The following ADGRL3 variants were observed in gnomAD, a reference collection of about 807,000 sequenced individuals.
ADGRL3 encodes adhesion G protein-coupled receptor L3, also known as calcium-independent alpha-latrotoxin receptor 3.
Under a neutral mutation model 153.5 loss-of-function variants are expected in ADGRL3, and 62 were observed. The observed-to-expected ratio is 0.40, with a 90% CI of 0.33 to 0.50. The LOEUF is 0.50. Ranked by LOEUF, ADGRL3 falls within the 20% of genes least tolerant of loss-of-function variation. The pLI, the probability that ADGRL3 is intolerant of heterozygous loss-of-function variation, is 0.47. For missense variants in ADGRL3, 1,641 were observed against 1,859.4 expected, an observed-to-expected ratio of 0.88 and a Z score of 2.16; for synonymous variants, 710 against 672.5, an observed-to-expected ratio of 1.06 and a Z score of -0.86.
At chr4:61,716,631 T>C (rs2096122270) in intron 6 of ADGRL3, among the ~76,000 whole-genome samples, 1 of 152,130 alleles carries the variant, frequency 6.6e-6, no homozygotes, top group South Asian at 2.1e-4. Context: ...ACCAATAATA[T>C]GTATTGTGCA....
chr4:62,051,193 T>TATATATAC (rs1553918713), intron 25 of ADGRL3, among the ~76,000 whole-genome samples: 2 of 145,650 alleles, frequency 1.4e-5, no homozygotes, highest in African/African-American at 5.1e-5. Flanking sequence ...TATATATACA[T>TATATATAC]ACATACACAA....
At chr4:61,618,384 C>A (rs1043042669) in intron 5 of ADGRL3, among the ~76,000 whole-genome samples, 4 of 152,172 alleles carry the variant, frequency 2.6e-5, no homozygotes, top group Non-Finnish European at 4.4e-5. Flanking sequence ...TATCAGCTAG[C>A]TGTTTCTATG....
intron 1 of ADGRL3, among the ~76,000 whole-genome samples, chr4:61,267,951 T>C (rs1405765940): frequency 6.6e-6 from 1 of 151,546 alleles, no homozygotes; most frequent in Non-Finnish European, 1.5e-5. Flanking sequence ...ATCAAGTAAG[T>C]TTTATGGAAG....
chr4:61,319,796 G>T (rs1253587779), intron 1 of ADGRL3, among the ~76,000 whole-genome samples: 2 of 152,028 alleles, frequency 1.3e-5, no homozygotes, highest in African/African-American at 4.8e-5. Flanking sequence ...AACTGAGTAA[G>T]GTAAGGTGCT....
chr4:61,866,238 C>T (rs1303709817), intron 9 of ADGRL3, among the ~76,000 whole-genome samples: 3 of 152,134 alleles, frequency 2.0e-5, no homozygotes, highest in Non-Finnish European at 2.9e-5. Flanking sequence ...CTACGGCAAA[C>T]GTACTAAGCT....
intron 5 of ADGRL3, among the ~76,000 whole-genome samples, chr4:61,652,997 A>C (rs1047873226): frequency 6.6e-6 from 1 of 152,056 alleles, no homozygotes; most frequent in Non-Finnish European, 1.5e-5. Flanking sequence ...ATGTTGAAAC[A>C]CTAAACCCCA....
At chr4:61,882,998 C>T (rs1165551333) in intron 9 of ADGRL3, among the ~76,000 whole-genome samples, 2 of 152,106 alleles carry the variant, frequency 1.3e-5, no homozygotes, top group East Asian at 1.9e-4. Context: ...TACCTGTAAC[C>T]GCAGCTACTG....
At chr4:61,359,149 A>G (rs1477224998) in intron 1 of ADGRL3, among the ~76,000 whole-genome samples, 2 of 152,096 alleles carry the variant, frequency 1.3e-5, no homozygotes, top group Non-Finnish European at 2.9e-5. Context: ...GTACATTGAG[A>G]TATTACCTCT....
At chr4:61,525,984 G>T (rs1225536672) in intron 4 of ADGRL3, among the ~76,000 whole-genome samples, 1 of 152,070 alleles carries the variant, frequency 6.6e-6, no homozygotes, top group Admixed American at 6.6e-5. Flanking sequence ...GATTGATTGG[G>T]GATGATGAGA....
At chr4:61,864,305 T>G (rs2098379607) in intron 9 of ADGRL3, among the ~76,000 whole-genome samples, 2 of 151,906 alleles carry the variant, frequency 1.3e-5, no homozygotes, top group Admixed American at 1.3e-4. Flanking sequence ...TAAAAATAAC[T>G]TCTCTAAGTC....
At chr4:61,880,232 G>C (rs2098501294) in intron 9 of ADGRL3, among the ~76,000 whole-genome samples, 1 of 152,076 alleles carries the variant, frequency 6.6e-6, no homozygotes, top group South Asian at 2.1e-4. Flanking sequence ...CAACCACTTA[G>C]TCATTAGTTC....
chr4:61,449,455 T>A (rs74373621), intron 2 of ADGRL3, among the ~76,000 whole-genome samples: 9,190 of 151,968 alleles, frequency 0.06, 400 homozygotes, highest in East Asian at 0.21. Context: ...ATTTTTTTTT[T>A]AAGTGAAATA....
chr4:61,873,534 A>G (rs1182006896), intron 9 of ADGRL3, among the ~76,000 whole-genome samples: 1 of 152,344 alleles, frequency 6.6e-6, no homozygotes, highest in East Asian at 1.9e-4. Context: ...TAGAAATTGA[A>G]AAAAGCATAA....
intron 5 of ADGRL3, among the ~76,000 whole-genome samples, chr4:61,602,160 A>G (rs562257978): frequency 6.6e-6 from 1 of 151,794 alleles, no homozygotes; most frequent in South Asian, 2.1e-4. Flanking sequence ...TTAGAATTCC[A>G]ATGTGTAATA....
intron 2 of ADGRL3, among the ~76,000 whole-genome samples, chr4:61,426,012 T>A (rs2097275269): frequency 6.6e-6 from 1 of 151,992 alleles, no homozygotes; most frequent in African/African-American, 2.4e-5. Context: ...AGTGGCCCAG[T>A]GTAGAAGTGC....
intron 5 of ADGRL3, among the ~76,000 whole-genome samples, chr4:61,660,251 C>G (rs1360359683): frequency 2.0e-5 from 3 of 152,098 alleles, no homozygotes; most frequent in Non-Finnish European, 4.4e-5. Flanking sequence ...GTTTCCCACA[C>G]CATGTTAACT....
intron 4 of ADGRL3, among the ~76,000 whole-genome samples, chr4:61,534,453 T>C (rs919021884): frequency 1.3e-5 from 2 of 152,164 alleles, no homozygotes; most frequent in African/African-American, 4.8e-5. Context: ...TTTTAGACTT[T>C]TTTTTTCTAA....
chr4:62,017,871 T>C (rs963837089), intron 21 of ADGRL3, among the ~76,000 whole-genome samples: 11 of 152,034 alleles, frequency 7.2e-5, no homozygotes, highest in Admixed American at 2.0e-4. Context: ...AGTAGAGCTT[T>C]GTTTTTTTTG....
At chr4:61,357,090 A>G (rs1578410913) in intron 1 of ADGRL3, among the ~76,000 whole-genome samples, 1 of 152,082 alleles carries the variant, frequency 6.6e-6, no homozygotes, top group East Asian at 1.9e-4. Context: ...TCAGTTCATT[A>G]GCATTAGGGA....
Sources: allele counts gnomAD v4.1 joint callset (sites outside exome capture counted in the v4.1 genomes callset), GRCh38; gene constraint gnomAD v4.1.1; transcripts MANE v1.5; gene names NCBI Gene and HGNC (gene_info 2026-07-23, HGNC 2026-07-21).